Variants in LARP4 observed in about 807,000 individuals in gnomAD.
The protein encoded by LARP4 is la-related protein 4.
Under a neutral mutation model 92.9 loss-of-function variants are expected in LARP4, and 29 were observed. The ratio of observed to expected loss-of-function variants is 0.31; its 90% CI spans 0.23 to 0.43. The LOEUF (loss-of-function observed/expected upper bound fraction) is 0.43, where lower values mean the gene tolerates loss of function less well. LARP4 is among the 20% of genes least tolerant of loss of function. The pLI is 1.00. For synonymous variants in LARP4, 279 were observed against 284.1 expected, an observed-to-expected ratio of 0.98 and a Z score of 0.18; for missense variants, 732 against 860.0, an observed-to-expected ratio of 0.85 and a Z score of 1.86.
chr12:50,428,188 C>T (rs966119178), intron 2 of LARP4, among the ~76,000 whole-genome samples: 6 of 151,704 alleles, frequency 4.0e-5, no homozygotes, highest in Admixed American at 6.6e-5. Flanking sequence ...TTACCACACC[C>T]GGCTAATTTT....
At chr12:50,471,389 T>C (rs1307508575) in intron 13 of LARP4, among the ~76,000 whole-genome samples, 1 of 152,228 alleles carries the variant, frequency 6.6e-6, no homozygotes, top group Non-Finnish European at 1.5e-5. Context: ...TGAACTATTA[T>C]GTGATATTCT....
chr12:50,474,667 C>G (rs1383446774), intron 15 of LARP4, among the ~76,000 whole-genome samples: 2 of 152,076 alleles, frequency 1.3e-5, no homozygotes, highest in Admixed American at 6.6e-5. Flanking sequence ...CTTTTGATTG[C>G]TTTTTTTCTG....
At chr12:50,433,566 A>G (rs1428164349) in intron 4 of LARP4, among the ~76,000 whole-genome samples, 1 of 151,954 alleles carries the variant, frequency 6.6e-6, no homozygotes, top group East Asian at 1.9e-4. Flanking sequence ...TTCAGAGTTC[A>G]TTTAGGCTAC....
rs1405665362 is a variant in LARP4 at position 50,408,883 on chromosome 12, C to A, written c.18+7855C>A. On this transcript the variant is annotated intron_variant, in intron 1 of 15. Transcript: ENST00000398473. ...CAGGCTGGGTGGGCGTGGCTCATACCTGTAATCCCAGCACTTTGGGAGGCT... is the reference window on the plus strand; with the variant it reads ...CAGGCTGGGTGGGCGTGGCTCATACATGTAATCCCAGCACTTTGGGAGGCT... 2.6e-5 allele frequency among the ~76,000 whole-genome samples: 4 copies of A among 152,202 alleles called. No individual in the cohort carries two copies. The East Asian group carries it at 7.7e-4, about 29-fold the overall frequency.
At chr12:50,453,228 T>A (rs1953591193) in intron 8 of LARP4, among the ~76,000 whole-genome samples, 1 of 151,874 alleles carries the variant, frequency 6.6e-6, no homozygotes, top group Non-Finnish European at 1.5e-5. Flanking sequence ...TTGACGTGTG[T>A]TTGTGTGTGG....
chr12:50,453,247 G>C (rs557771278), intron 8 of LARP4, among the ~76,000 whole-genome samples: 3 of 151,462 alleles, frequency 2.0e-5, no homozygotes, highest in Non-Finnish European at 2.9e-5. Context: ...GGCGGGGGGG[G>C]TTTTACCTTG....
chr12:50,437,971 T>TA, intron 6 of LARP4, 133 bp downstream of exon 6: 1 of 551,590 alleles, frequency 1.8e-6, no homozygotes, highest in Non-Finnish European at 3.2e-6. Flanking sequence ...CTTCATCAGT[T>TA]ACTGTGAAAA....
At chr12:50,417,324 G>A (rs906525194) in intron 1 of LARP4, among the ~76,000 whole-genome samples, 14 of 150,114 alleles carry the variant, frequency 9.3e-5, no homozygotes, top group African/African-American at 2.7e-4. Context: ...GCAGTGAGCC[G>A]AGATCGTGTC....
At chr12:50,461,430 A>T (rs1344043118) in intron 11 of LARP4, 83 bp downstream of exon 11, 1 of 1,229,402 alleles carries the variant, frequency 8.1e-7, no homozygotes, top group Non-Finnish European at 1.1e-6. Flanking sequence ...CATAATAATT[A>T]AATGAGCATT....
rs77955046 is a variant in LARP4 at position 50,458,833 on chromosome 12, C to G, written c.1122-2302C>G. On this transcript the variant is annotated intron_variant, in intron 10 of 15. Transcript: ENST00000398473. ...ATACCCATCATCCAAGATAAAAACT[C>G]CCTTTGTTAAAAGCAGATTGGTTGG... Among the ~76,000 whole-genome samples, 1,488 of 152,258 alleles carry G rather than the reference C, an allele frequency of 9.8e-3. 29 individuals are homozygous for G. Among genetic ancestry groups the G allele is most frequent in the African/African-American group, 0.034 (1,423 of 41,546 alleles).
chr12:50,428,503 A>G (rs1949156265), intron 2 of LARP4, among the ~76,000 whole-genome samples: 1 of 152,162 alleles, frequency 6.6e-6, no homozygotes. Context: ...TGGGTCCAGC[A>G]TGCAACCCAT....
chr12:50,413,079 C>T (rs890132943), intron 1 of LARP4, among the ~76,000 whole-genome samples: 19 of 152,004 alleles, frequency 1.2e-4, no homozygotes, highest in East Asian at 3.9e-4. Context: ...AAAAATTAGC[C>T]GGACGTGGTG....
At chr12:50,463,904 G>A (rs1381163647) in intron 12 of LARP4, among the ~76,000 whole-genome samples, 1 of 152,134 alleles carries the variant, frequency 6.6e-6, no homozygotes, top group Non-Finnish European at 1.5e-5. Context: ...CCCTGGAGCA[G>A]GTTTCTGTCT....
chr12:50,407,979 G>C (rs551590777), intron 1 of LARP4, among the ~76,000 whole-genome samples: 3 of 152,150 alleles, frequency 2.0e-5, no homozygotes, highest in African/African-American at 7.2e-5. Context: ...CTGTGTCCTT[G>C]TCCCACCACT....
intron 8 of LARP4, among the ~76,000 whole-genome samples, chr12:50,446,384 T>TCCCCCCC (rs1952107269): frequency 1.9e-4 from 1 of 5,390 alleles, no homozygotes; most frequent in Non-Finnish European, 2.6e-4. Flanking sequence ...TCTCTCTCTC[T>TCCCCCCC]CTCTCTCTCT....
intron 5 of LARP4, among the ~76,000 whole-genome samples, chr12:50,437,455 GAT>G (rs1950600548): frequency 6.6e-6 from 1 of 152,014 alleles, no homozygotes. Context: ...TGCCTTATTA[GAT>G]ATATGTTGTA....
In LARP4 at chr12:50,400,894, C is replaced by T. The variant is rs1943681888; in HGVS notation, c.-117C>T. ...CTGACGGCAGGGGAGGAGCCGGGTC[C>T]ACTGCCGGGTGGAGGGGCAAGGCGA... On this transcript the variant is annotated 5_prime_UTR_variant, in exon 1 of 16. Coordinates refer to ENST00000398473, the MANE Select transcript of LARP4 (RefSeq NM_052879.5). 1.4e-6 allele frequency: 2 copies of T among 1,404,300 alleles called. No individual in the cohort carries two copies. Among genetic ancestry groups the T allele is most frequent in the East Asian group, 2.3e-5 (1 of 43,864 alleles). The allele number at this position is 1,404,300 out of a possible 1,614,324, so 87.0% of individuals were successfully genotyped here. A position where few individuals can be genotyped will look rare whatever the true frequency, so the allele number is the denominator to read the frequency against.
intron 11 of LARP4, 30 bp downstream of exon 11, chr12:50,461,377 GATAATAATGTGATC>G: frequency 6.4e-7 from 1 of 1,571,542 alleles, no homozygotes; most frequent in South Asian, 1.1e-5. Context: ...GAAAACCTTT[GATAATAATGTGATC>G]ATCCTGAATA....
intron 1 of LARP4, among the ~76,000 whole-genome samples, chr12:50,403,301 T>G (rs1463953168): frequency 6.6e-6 from 1 of 152,232 alleles, no homozygotes; most frequent in Admixed American, 6.5e-5. Flanking sequence ...AGCTTCTAAC[T>G]GAAATCTAAA....
Sources: allele counts gnomAD v4.1 joint callset (sites outside exome capture counted in the v4.1 genomes callset), GRCh38; gene constraint gnomAD v4.1.1; transcripts MANE v1.5; gene names NCBI Gene and HGNC (gene_info 2026-07-23, HGNC 2026-07-21).